ESRRG: variants seen among roughly 807,000 people sequenced by gnomAD.
ESRRG encodes the protein estrogen related receptor gamma.
In ESRRG, 13 loss-of-function variants were observed where a neutral mutation model predicts 44.0. That is an observed-to-expected ratio of 0.30 (90% CI 0.19 to 0.47). The LOEUF is 0.47. Ranked by LOEUF, ESRRG falls within the 20% of genes least tolerant of loss-of-function variation. The pLI, the probability that ESRRG is intolerant of heterozygous loss-of-function variation, is 1.00. For synonymous variants in ESRRG, 215 were observed against 214.6 expected, an observed-to-expected ratio of 1.00 and a Z score of -0.02; for missense variants, 395 against 580.6, an observed-to-expected ratio of 0.68 and a Z score of 3.29.
At chr1:217,104,092 T>C (rs1434603816) in intron 1 of ESRRG, among the ~76,000 whole-genome samples, 1 of 152,196 alleles carries the variant, frequency 6.6e-6, no homozygotes, top group Non-Finnish European at 1.5e-5. Flanking sequence ...CATCCTCTAA[T>C]GTTGCTCTTC....
chr1:217,106,855 T>C (rs1167839667), intron 1 of ESRRG, among the ~76,000 whole-genome samples: 2 of 152,212 alleles, frequency 1.3e-5, no homozygotes, highest in South Asian at 4.1e-4. Flanking sequence ...AAATTCTTCA[T>C]GGCAAACAAT....
At chr1:216,824,973 C>T (rs2095365456) in intron 2 of ESRRG, among the ~76,000 whole-genome samples, 1 of 152,192 alleles carries the variant, frequency 6.6e-6, no homozygotes, top group African/African-American at 2.4e-5. Context: ...AGAGAATTCA[C>T]TACATCAGGA....
chr1:216,541,212 C>A (rs77451339), intron 5 of ESRRG, among the ~76,000 whole-genome samples: 1 of 151,938 alleles, frequency 6.6e-6, no homozygotes, highest in South Asian at 2.1e-4. Flanking sequence ...ACCCAAAAGA[C>A]GGTTTCTGAT....
rs370677968 is a variant in ESRRG, at chr1:216,998,700, T to A, written c.-105-59027A>T. Among the ~76,000 whole-genome samples, 6 of 152,328 alleles carry A rather than the reference T, an allele frequency of 3.9e-5. No individual in the cohort carries two copies. In the East Asian group the frequency reaches 7.7e-4, roughly 20 times the overall value. On this transcript the variant is annotated intron_variant, in intron 1 of 7. Coordinates refer to the ESRRG transcript ENST00000359162. ...CTAATTGCTATTTATAAGAGATAAT[T>A]AGAAATATTCCTTCACACAGCGTGA...
rs79588695 is a variant in ESRRG, at chr1:216,688,237, A to G, written c.57-10746T>C. Among the ~76,000 whole-genome samples, 1,472 of 152,340 alleles carry G rather than the reference A, an allele frequency of 9.7e-3. 21 individuals are homozygous for G. The highest frequency in any genetic ancestry group is 0.034 in the African/African-American group (1,395 of 41,576). Reference sequence around the variant, plus strand: ...TAAAAATAAAATAGAAGCAGGTTTCAGTGAGTGGAGCGGGAAAGCCATGTC... The same window carrying G: ...TAAAAATAAAATAGAAGCAGGTTTCGGTGAGTGGAGCGGGAAAGCCATGTC... On this transcript the variant is annotated intron_variant, in intron 1 of 6. Transcript: ENST00000408911.
Position 216,534,865 on chromosome 1 carries a change from C to T in ESRRG, c.863-15444G>A, listed in dbSNP as rs1027017458. 2.6e-5 allele frequency among the ~76,000 whole-genome samples: 4 copies of T among 152,240 alleles called. No individual in the cohort carries two copies. In the South Asian group the frequency reaches 6.2e-4, roughly 24 times the overall value. ...TCGGTCCTTTTGACGGCATCAGCCT[C>T]ATGTTGGCTCGTTTCACGAATGCGA... On this transcript the variant is annotated intron_variant, in intron 5 of 6. Coordinates refer to ENST00000408911, the MANE Select transcript of ESRRG (RefSeq NM_001438.4).
At chr1:217,009,150 T>G (rs1163994515) in intron 1 of ESRRG, among the ~76,000 whole-genome samples, 1 of 152,332 alleles carries the variant, frequency 6.6e-6, no homozygotes, top group East Asian at 1.9e-4. Context: ...CAAGTCAATC[T>G]GATCCATCTA....
At chr1:216,891,558 A>C (rs2057793624) in intron 2 of ESRRG, among the ~76,000 whole-genome samples, 1 of 152,180 alleles carries the variant, frequency 6.6e-6, no homozygotes, top group South Asian at 2.1e-4. Context: ...GAGAAACTAC[A>C]CAAGCTTGGC....
chr1:217,089,607 C>T, upstream of ESRRG: 1 of 152,192 alleles, frequency 6.6e-6, no homozygotes. Flanking sequence ...TACAAAACCC[C>T]CATGCAGGAA....
intron 1 of ESRRG, among the ~76,000 whole-genome samples, chr1:217,069,162 A>G: frequency 6.6e-6 from 1 of 152,144 alleles, no homozygotes; most frequent in Non-Finnish European, 1.5e-5. Context: ...GCGTAGCTAG[A>G]ATATAAAGAA....
chr1:216,567,405 C>A (rs2149588046), intron 4 of ESRRG, among the ~76,000 whole-genome samples: 1 of 152,256 alleles, frequency 6.6e-6, no homozygotes, highest in Non-Finnish European at 1.5e-5. Context: ...AAAAACAATT[C>A]ATACCGTCCA....
At chr1:216,595,762 A>G (rs1212143630) in intron 3 of ESRRG, among the ~76,000 whole-genome samples, 1 of 152,228 alleles carries the variant, frequency 6.6e-6, no homozygotes, top group Non-Finnish European at 1.5e-5. Flanking sequence ...AACTCCCTCA[A>G]AGACCCTGGG....
intron 1 of ESRRG, among the ~76,000 whole-genome samples, chr1:217,007,163 A>T (rs1022224741): frequency 6.6e-6 from 1 of 152,140 alleles, no homozygotes; most frequent in Non-Finnish European, 1.5e-5. Flanking sequence ...TCATCACCCC[A>T]TATACATGTA....
At chr1:216,531,200 CCA>C (rs1410948743) in intron 5 of ESRRG, among the ~76,000 whole-genome samples, 1 of 152,066 alleles carries the variant, frequency 6.6e-6, no homozygotes, top group Non-Finnish European at 1.5e-5. Context: ...CCCTGAAACT[CCA>C]CACTCAAATA....
At chr1:216,779,249 A>G (rs1176806293) in intron 2 of ESRRG, among the ~76,000 whole-genome samples, 2 of 81,962 alleles carry the variant, frequency 2.4e-5, no homozygotes, top group African/African-American at 5.5e-5. Context: ...ATATATTTAT[A>G]TTTATAAATA....
intron 3 of ESRRG, among the ~76,000 whole-genome samples, chr1:216,633,787 T>C (rs2064731476): frequency 6.6e-6 from 1 of 152,204 alleles, no homozygotes; most frequent in African/African-American, 2.4e-5. Flanking sequence ...CATGCTTTCA[T>C]GACATTTTAT....
At chr1:216,889,240 C>T (rs2057448073) in intron 2 of ESRRG, among the ~76,000 whole-genome samples, 1 of 152,174 alleles carries the variant, frequency 6.6e-6, no homozygotes, top group South Asian at 2.1e-4. Context: ...GCAGGGGTGG[C>T]CCTGACACAT....
At chr1:217,057,920 G>T (rs2087480442) in intron 1 of ESRRG, among the ~76,000 whole-genome samples, 2 of 152,114 alleles carry the variant, frequency 1.3e-5, no homozygotes, top group South Asian at 4.1e-4. Context: ...GAAGCCAAAA[G>T]ATTGGACACC....
rs1220161154 is a variant in ESRRG, at chr1:216,506,059, T to A, written c.*880A>T. The A allele has an allele frequency of 6.5e-6, 1 of 152,682 alleles. No individual in the cohort carries two copies. Among genetic ancestry groups the A allele is most frequent in the Non-Finnish European group, 1.5e-5 (1 of 68,098 alleles). 9.5% of individuals were successfully genotyped at this position (152,682 alleles called of 1,614,324 possible). A position where few individuals can be genotyped will look rare whatever the true frequency, so the allele number is the denominator to read the frequency against. On this transcript the variant is annotated 3_prime_UTR_variant, in exon 7 of 7. Coordinates refer to ENST00000408911, the MANE Select transcript of ESRRG (RefSeq NM_001438.4). ...AGCTTAAACTATTCCCTGAAAAAGTTACATAGTAGCTAAACTAACAAATAC... is the reference window on the plus strand; with the variant it reads ...AGCTTAAACTATTCCCTGAAAAAGTAACATAGTAGCTAAACTAACAAATAC...
Sources: allele counts gnomAD v4.1 joint callset (sites outside exome capture counted in the v4.1 genomes callset), GRCh38; gene constraint gnomAD v4.1.1; transcripts MANE v1.5; gene names NCBI Gene and HGNC (gene_info 2026-07-23, HGNC 2026-07-21).